INTS8: variants seen among roughly 807,000 people sequenced by gnomAD.
INTS8 encodes protein kaonashi-1.
In INTS8, 47 loss-of-function variants were observed where a neutral mutation model predicts 138.9. The observed-to-expected ratio is 0.34, with a 90% CI of 0.27 to 0.43. The LOEUF (loss-of-function observed/expected upper bound fraction) is 0.43. Among genes scored for constraint, INTS8 ranks in the 20% least tolerant of loss-of-function variants. The pLI is 1.00. For missense variants in INTS8, 996 were observed against 1,173.0 expected, an observed-to-expected ratio of 0.85 and a Z score of 2.20; for synonymous variants, 392 against 400.9, an observed-to-expected ratio of 0.98 and a Z score of 0.27.
intron 13 of INTS8, among the ~76,000 whole-genome samples, 190 bp from the exon 14 acceptor site, chr8:94,853,615 T>G (rs1815632374): frequency 6.6e-6 from 1 of 152,188 alleles, no homozygotes; most frequent in South Asian, 2.1e-4. Context: ...CCATTATTTA[T>G]TACTTGTTGA....
At chr8:94,871,654 A>T (rs1816402286) in intron 20 of INTS8, among the ~76,000 whole-genome samples, 2 of 152,320 alleles carry the variant, frequency 1.3e-5, no homozygotes, top group South Asian at 4.1e-4. Flanking sequence ...TGACATTCTG[A>T]AGAAAAGAGA....
intron 15 of INTS8, among the ~76,000 whole-genome samples, chr8:94,857,796 A>G (rs137860130): frequency 2.6e-5 from 4 of 152,358 alleles, no homozygotes; most frequent in African/African-American, 4.8e-5. Flanking sequence ...CATCATAGCT[A>G]ATTACATCTG....
At position 94,827,807 on chromosome 8, in the gene INTS8, T is replaced by C. The variant is rs1814565210; in HGVS notation, c.518+14T>C. ...TCAGTTAAGTGTGTAAGTTGGTGGC[T>C]ATGACCTTTACTTGGCACTTTTTTC... On this transcript the variant is annotated intron_variant, in intron 4 of 26. Transcript: ENST00000523731. The C allele has an allele frequency of 1.0e-5, 16 of 1,604,142 alleles. No homozygotes were observed. The highest frequency in any genetic ancestry group is 1.3e-5 in the Non-Finnish European group (15 of 1,172,050).
intron 20 of INTS8, chr8:94,867,856 T>C (rs1816240284): frequency 6.6e-6 from 1 of 152,356 alleles, no homozygotes; most frequent in African/African-American, 2.4e-5. Flanking sequence ...TTAAGATTTA[T>C]CAGCCTTGGA....
At chr8:94,862,527 A>G (rs1453852506) in intron 16 of INTS8, among the ~76,000 whole-genome samples, 1 of 152,226 alleles carries the variant, frequency 6.6e-6, no homozygotes, top group Non-Finnish European at 1.5e-5. Context: ...AGGGTCTGCA[A>G]TGTGTAAGGA....
rs571398893 is a variant in INTS8, at chr8:94,833,275, G to A, written c.753+1101G>A. 4.6e-5 allele frequency among the ~76,000 whole-genome samples: 7 copies of A among 152,138 alleles called. No individual in the cohort carries two copies. In the East Asian group the frequency reaches 5.8e-4, roughly 13 times the overall value. On this transcript the variant is annotated intron_variant, in intron 6 of 26. Coordinates refer to ENST00000523731, the MANE Select transcript of INTS8 (RefSeq NM_017864.4). ...TGCGTTTTCAGATTAGCTGTTTCCAGAGCTGAAGGTAATCATTTATTCAAG... is the reference window on the plus strand; with the variant it reads ...TGCGTTTTCAGATTAGCTGTTTCCAAAGCTGAAGGTAATCATTTATTCAAG...
chr8:94,875,276 A>G (rs1031861074), intron 23 of INTS8, among the ~76,000 whole-genome samples: 3 of 152,190 alleles, frequency 2.0e-5, no homozygotes, highest in African/African-American at 7.2e-5. Flanking sequence ...TATGCAATGA[A>G]ATATTATTCA....
chr8:94,829,089 A>G, intron 5 of INTS8, 63 bp downstream of exon 5: 1 of 1,235,112 alleles, frequency 8.1e-7, no homozygotes, highest in Non-Finnish European at 1.2e-6. Flanking sequence ...GCAGTTCCCA[A>G]CCTTTTTGGC....
At chr8:94,844,509 G>T (rs945325760) in intron 10 of INTS8, among the ~76,000 whole-genome samples, 3 of 151,992 alleles carry the variant, frequency 2.0e-5, no homozygotes, top group Non-Finnish European at 4.4e-5. Context: ...TAGCGACGGG[G>T]TTTTGCCATT....
chr8:94,845,846 A>G (rs756043375), intron 10 of INTS8, among the ~76,000 whole-genome samples: 1 of 152,236 alleles, frequency 6.6e-6, no homozygotes, highest in Admixed American at 6.5e-5. Flanking sequence ...ATTACATTAA[A>G]TTTAGAAGCC....
intron 6 of INTS8, among the ~76,000 whole-genome samples, chr8:94,833,153 A>G (rs1814790989): frequency 6.6e-6 from 1 of 151,786 alleles, no homozygotes. Context: ...TCTAAACTGT[A>G]TTGTCTTTCC....
intron 14 of INTS8, among the ~76,000 whole-genome samples, chr8:94,854,783 G>T (rs1815683453): frequency 6.6e-6 from 1 of 152,152 alleles, no homozygotes; most frequent in African/African-American, 2.4e-5. Context: ...CCAGACCGGG[G>T]TGCAGTGGCA....
intron 6 of INTS8, among the ~76,000 whole-genome samples, chr8:94,835,438 C>G (rs552764414): frequency 1.6e-4 from 24 of 152,292 alleles, no homozygotes; most frequent in African/African-American, 5.8e-4. Context: ...GTCATAGAAA[C>G]ATACGACTGG....
chr8:94,873,149 A>G (rs1274764108), intron 21 of INTS8, among the ~76,000 whole-genome samples: 2 of 152,260 alleles, frequency 1.3e-5, no homozygotes, highest in Non-Finnish European at 2.9e-5. Flanking sequence ...ACTACTTCAC[A>G]AAATTATAAT....
rs1816171296 is a variant in INTS8, at chr8:94,866,210, T to C, written c.2295+19T>C. 6.2e-6 allele frequency: 8 copies of C among 1,280,240 alleles called. No homozygotes were observed. In the East Asian group the frequency reaches 1.9e-4, roughly 30 times the overall value. 79.3% of individuals were successfully genotyped at this position (1,280,240 alleles called of 1,614,324 possible). A position where few individuals can be genotyped will look rare whatever the true frequency, so the allele number is the denominator to read the frequency against. ...ATTACGAGTAAGTTTTATTAAAAAT[T>C]GCTCTAATTACTATTGCTGGTTTTT... On this transcript the variant is annotated intron_variant, in intron 18 of 26. Coordinates refer to ENST00000523731, the MANE Select transcript of INTS8 (RefSeq NM_017864.4).
intron 22 of INTS8, 23 bp from the exon 23 acceptor site, chr8:94,874,526 AAAT>A: frequency 7.2e-7 from 1 of 1,391,856 alleles, no homozygotes; most frequent in Non-Finnish European, 1.0e-6. Flanking sequence ...TGGTTTTTGA[AAAT>A]AATGAGAATT....
At chr8:94,825,818 T>C (rs1814478661) in intron 2 of INTS8, among the ~76,000 whole-genome samples, 1 of 142,250 alleles carries the variant, frequency 7.0e-6, no homozygotes, top group Non-Finnish European at 1.6e-5. Flanking sequence ...TAGGAAATAA[T>C]TGGGGAGGAG....
At chr8:94,839,079 A>C (rs1815040072) in intron 8 of INTS8, among the ~76,000 whole-genome samples, 1 of 152,202 alleles carries the variant, frequency 6.6e-6, no homozygotes, top group Non-Finnish European at 1.5e-5. Flanking sequence ...CTTGTAGCCC[A>C]GCTTTAGTAG....
rs889575601 is a variant in INTS8 at position 94,881,433 on chromosome 8, C to CT, written c.*1202dup. 1.8e-6 allele frequency: 1 copy of CT among 564,612 alleles called. No homozygotes were observed. Among genetic ancestry groups the CT allele is most frequent in the Non-Finnish European group, 3.1e-6 (1 of 326,814 alleles). 35.0% of individuals were successfully genotyped at this position (564,612 alleles called of 1,614,324 possible). On this transcript the variant is annotated 3_prime_UTR_variant, in exon 27 of 27. Transcript: ENST00000523731. ...TCTTTGTAAACAAGTCCTGCTGTTT[C>CT]TTTAACAGCTAACATAGGAAATAAT... is the stretch of plus-strand genomic sequence containing the variant.
Sources: gnomAD v4.1 joint callset for allele counts (sites outside exome capture counted in the v4.1 genomes callset) on GRCh38, gnomAD v4.1.1 for gene constraint, MANE v1.5 for transcripts, NCBI Gene and HGNC (gene_info 2026-07-23, HGNC 2026-07-21) for gene names.